APBB1IP: variants seen among roughly 807,000 people sequenced by gnomAD.
APBB1IP encodes amyloid beta precursor protein binding family B member 1 interacting protein.
A neutral mutation model predicts 64.9 loss-of-function variants in APBB1IP; 27 were observed. That is an observed-to-expected ratio of 0.42 (90% confidence interval 0.31 to 0.57). The LOEUF (loss-of-function observed/expected upper bound fraction) is 0.57, where lower values mean the gene tolerates loss of function less well. Ranked by LOEUF, APBB1IP falls within the 20% of genes least tolerant of loss-of-function variation. The pLI is 0.20. For missense variants in APBB1IP, 812 were observed against 845.5 expected (o/e 0.96, Z 0.49); for synonymous variants, 392 against 331.0 (o/e 1.18, Z -2.00).
chr10:26,536,354 G>A, intron 10 of APBB1IP, 137 bp downstream of exon 10: 1 of 917,198 alleles, frequency 1.1e-6, no homozygotes, highest in Non-Finnish European at 1.6e-6. Context: ...ATACAAATAG[G>A]ACAGTATTAT....
At chr10:26,540,296 G>A (rs1281820005) in intron 10 of APBB1IP, among the ~76,000 whole-genome samples, 1 of 152,090 alleles carries the variant, frequency 6.6e-6, no homozygotes, top group Non-Finnish European at 1.5e-5. Flanking sequence ...AAAAGAAGGC[G>A]AGGGGCGGTG....
chr10:26,457,758 A>G (rs1024868914), intron 2 of APBB1IP, among the ~76,000 whole-genome samples: 22 of 152,314 alleles, frequency 1.4e-4, no homozygotes, highest in Middle Eastern at 3.4e-3. Flanking sequence ...GAGGAGGGAG[A>G]GGAAGACACA....
At chr10:26,518,243 G>A (rs11015147) in intron 8 of APBB1IP, among the ~76,000 whole-genome samples, 32,103 of 145,944 alleles carry the variant, frequency 0.22, 3,687 homozygotes, top group African/African-American at 0.31. Flanking sequence ...ATGAGCCACC[G>A]CGCCCAGCCT....
At chr10:26,556,289 T>C (rs1836894162) in intron 11 of APBB1IP, among the ~76,000 whole-genome samples, 2 of 152,198 alleles carry the variant, frequency 1.3e-5, no homozygotes, top group South Asian at 4.1e-4. Context: ...CAAGACACGG[T>C]GGAGAACAAG....
rs189953702 is a variant in APBB1IP, at chr10:26,559,368, A to G, written c.1156-737A>G. Among the ~76,000 whole-genome samples the G allele has an allele frequency of 4.6e-5, 7 of 152,038 alleles. No individual in the cohort carries two copies. In the East Asian group the frequency reaches 1.2e-3, roughly 25 times the overall value. On this transcript the variant is annotated intron_variant, in intron 11 of 14. Coordinates refer to ENST00000376236, the MANE Select transcript of APBB1IP (RefSeq NM_019043.4). ...TGCTTGAGGCCAGGAGTTTGAGACCAGCTTGGGTAATATAGTGAGACTCCA... is the reference window on the plus strand; with the variant it reads ...TGCTTGAGGCCAGGAGTTTGAGACCGGCTTGGGTAATATAGTGAGACTCCA...
At chr10:26,546,467 C>T (rs1047451197) in intron 11 of APBB1IP, among the ~76,000 whole-genome samples, 3 of 152,154 alleles carry the variant, frequency 2.0e-5, no homozygotes, top group Admixed American at 1.3e-4. Context: ...TACATTATGA[C>T]ACACAATGTG....
chr10:26,517,745 T>C (rs113263290), intron 8 of APBB1IP, among the ~76,000 whole-genome samples: 7 of 152,382 alleles, frequency 4.6e-5, no homozygotes, highest in African/African-American at 1.4e-4. Flanking sequence ...TAGAATTCCA[T>C]TGTGTGACTA....
intron 11 of APBB1IP, among the ~76,000 whole-genome samples, chr10:26,548,862 A>G (rs545620309): frequency 3.3e-5 from 5 of 152,178 alleles, no homozygotes; most frequent in Non-Finnish European, 5.9e-5. Flanking sequence ...GGTCTCGCTA[A>G]GAGTTCCAGT....
chr10:26,520,032 C>T (rs1392390895), intron 8 of APBB1IP, among the ~76,000 whole-genome samples: 2 of 152,148 alleles, frequency 1.3e-5, no homozygotes, highest in African/African-American at 4.8e-5. Context: ...GCCTGTAATT[C>T]CAGATGCTTA....
At chr10:26,504,717 A>C (rs1389693088) in intron 6 of APBB1IP, among the ~76,000 whole-genome samples, 2 of 151,866 alleles carry the variant, frequency 1.3e-5, no homozygotes, top group Non-Finnish European at 2.9e-5. Context: ...CTCAAAAAAA[A>C]AAATTAAAAA....
At position 26,492,318 on chromosome 10, in the gene APBB1IP, C is replaced by G. The variant is rs533159811; in HGVS notation, c.1-9C>G. 1.9e-5 allele frequency: 31 copies of G among 1,612,976 alleles called. No individual in the cohort carries two copies. In the South Asian group the frequency reaches 3.0e-4, roughly 15 times the overall value. On this transcript the variant is annotated splice_polypyrimidine_tract_variant and intron_variant, in intron 2 of 14. Transcript: ENST00000376236. The stretch of plus-strand genomic sequence containing the variant: ...AGACTGCTAATATCTCAGTTTCTTC[C>G]TTTTTCAGATGGGTGAGTCAAGTGA...
intron 11 of APBB1IP, among the ~76,000 whole-genome samples, chr10:26,549,539 A>G (rs1036729269): frequency 6.6e-6 from 1 of 152,084 alleles, no homozygotes; most frequent in Non-Finnish European, 1.5e-5. Flanking sequence ...TGTTTCAATC[A>G]TGGTAGGTTA....
At chr10:26,490,035 G>A (rs547351284) in intron 2 of APBB1IP, among the ~76,000 whole-genome samples, 1 of 152,046 alleles carries the variant, frequency 6.6e-6, no homozygotes, top group African/African-American at 2.4e-5. Context: ...AAAAGAAGAA[G>A]AAGAGGAAGA....
intron 2 of APBB1IP, among the ~76,000 whole-genome samples, chr10:26,458,291 G>A (rs1046405125): frequency 6.6e-6 from 1 of 152,134 alleles, no homozygotes; most frequent in Non-Finnish European, 1.5e-5. Context: ...GGAAGGCTGA[G>A]GTGGGAAAGT....
chr10:26,559,831 A>G (rs1836944335), intron 11 of APBB1IP, among the ~76,000 whole-genome samples: 1 of 151,802 alleles, frequency 6.6e-6, no homozygotes, highest in African/African-American at 2.4e-5. Flanking sequence ...TTCAGTAGAG[A>G]TGGGGTTTCA....
chr10:26,559,895 C>T (rs1430153156), intron 11 of APBB1IP, among the ~76,000 whole-genome samples: 1 of 152,014 alleles, frequency 6.6e-6, no homozygotes, highest in Non-Finnish European at 1.5e-5. Context: ...CTGCTCGCCT[C>T]GGCCTCCCAA....
chr10:26,557,998 C>T (rs1836915261), intron 11 of APBB1IP, among the ~76,000 whole-genome samples: 1 of 152,106 alleles, frequency 6.6e-6, no homozygotes, highest in Non-Finnish European at 1.5e-5. Flanking sequence ...AACTGAAGAG[C>T]AGATAGATGC....
At chr10:26,451,962 A>G (rs772644035) in intron 2 of APBB1IP, among the ~76,000 whole-genome samples, 9 of 152,358 alleles carry the variant, frequency 5.9e-5, no homozygotes, top group Middle Eastern at 3.4e-3. Flanking sequence ...CAAGGCATTT[A>G]TCTGGTTTTA....
intron 8 of APBB1IP, among the ~76,000 whole-genome samples, chr10:26,530,369 T>G (rs994265844): frequency 6.6e-6 from 1 of 151,840 alleles, no homozygotes; most frequent in Non-Finnish European, 1.5e-5. Context: ...GGCTCTGTAC[T>G]TAAGAGTATT....
Sources: allele counts gnomAD v4.1 joint callset (sites outside exome capture counted in the v4.1 genomes callset), GRCh38; gene constraint gnomAD v4.1.1; transcripts MANE v1.5; gene names NCBI Gene and HGNC (gene_info 2026-07-23, HGNC 2026-07-21).